The following VEGFC variants were observed in gnomAD, a reference collection of about 807,000 sequenced individuals.
VEGFC encodes the protein vascular endothelial growth factor C, also known as FLT4 ligand DHM.
VEGFC carries 12 observed loss-of-function variants against 46.1 expected under a neutral mutation model. That is an observed-to-expected ratio of 0.26 (90% confidence interval 0.17 to 0.42). The LOEUF (loss-of-function observed/expected upper bound fraction) is 0.42, where lower values mean the gene tolerates loss of function less well. Ranked by LOEUF, VEGFC falls within the 10% of genes least tolerant of loss-of-function variation. VEGFC has a pLI of 1.00. For missense variants in VEGFC, 488 were observed against 529.4 expected (o/e 0.92, Z 0.77); for synonymous variants, 232 against 195.5 (o/e 1.19, Z -1.56).
chr4:176,714,285 G>A (rs1349133461), intron 3 of VEGFC, among the ~76,000 whole-genome samples: 1 of 152,064 alleles, frequency 6.6e-6, no homozygotes, highest in Non-Finnish European at 1.5e-5. Flanking sequence ...TTGTTTAAAG[G>A]AGTCTGAGAC....
intron 1 of VEGFC, among the ~76,000 whole-genome samples, chr4:176,766,381 T>C (rs1165602962): frequency 6.6e-6 from 1 of 150,690 alleles, no homozygotes; most frequent in Non-Finnish European, 1.5e-5. Flanking sequence ...AACCCAGGAG[T>C]TCAAGGCCAG....
At chr4:176,779,132 C>T (rs1735865263) in intron 1 of VEGFC, among the ~76,000 whole-genome samples, 2 of 152,050 alleles carry the variant, frequency 1.3e-5, no homozygotes, top group African/African-American at 4.8e-5. Context: ...CAAAGCTATC[C>T]TAATATAATA....
chr4:176,781,550 G>A (rs1404571891), intron 1 of VEGFC, among the ~76,000 whole-genome samples: 1 of 152,192 alleles, frequency 6.6e-6, no homozygotes, highest in Non-Finnish European at 1.5e-5. Context: ...GAAATTTGGA[G>A]TGAGTGGAAA....
At chr4:176,789,559 T>C (rs1218533339) in intron 1 of VEGFC, among the ~76,000 whole-genome samples, 1 of 152,212 alleles carries the variant, frequency 6.6e-6, no homozygotes, top group African/African-American at 2.4e-5. Flanking sequence ...AAATTGTAAA[T>C]AGAACAGCTT....
At chr4:176,694,598 G>A (rs1734273240) in intron 4 of VEGFC, among the ~76,000 whole-genome samples, 1 of 151,784 alleles carries the variant, frequency 6.6e-6, no homozygotes, top group South Asian at 2.1e-4. Context: ...AGGATACGCA[G>A]GAATTGAACT....
chr4:176,716,583 C>CAA (rs1455730503), intron 3 of VEGFC, among the ~76,000 whole-genome samples: 2 of 79,260 alleles, frequency 2.5e-5, no homozygotes, highest in South Asian at 4.3e-4. Flanking sequence ...ACTCCCTCTC[C>CAA]GAAAAAAAAA....
chr4:176,752,772 A>G (rs1735362382), intron 1 of VEGFC, among the ~76,000 whole-genome samples: 2 of 152,076 alleles, frequency 1.3e-5, no homozygotes, highest in South Asian at 4.1e-4. Flanking sequence ...GAACTTGGCT[A>G]ATAAAATCAG....
In VEGFC at chr4:176,792,461, C is replaced by T. The variant is rs1036907922; in HGVS notation, c.-150G>A. The T allele has an allele frequency of 3.6e-4, 190 of 533,930 alleles. No homozygotes were observed. Among genetic ancestry groups the T allele is most frequent in the Admixed American group, 6.2e-4 (14 of 22,458 alleles). The allele number at this position is 533,930 out of a possible 1,614,324, so 33.1% of individuals were successfully genotyped here. ...CTGGGCGAGCCGGAGGCGGCGGGAG[C>T]GGGTCCGGGGCTCCGCGTTCCCAAC... On this transcript the variant is annotated 5_prime_UTR_variant, in exon 1 of 7. Coordinates refer to ENST00000618562, the MANE Select transcript of VEGFC (RefSeq NM_005429.5). The surrounding 1 kb of genome is among the most constrained non-coding windows in gnomAD (Gnocchi z 6.3).
chr4:176,724,840 C>T (rs1734845445), intron 3 of VEGFC, among the ~76,000 whole-genome samples: 1 of 152,106 alleles, frequency 6.6e-6, no homozygotes, highest in Non-Finnish European at 1.5e-5. Context: ...CCTGCATGTT[C>T]TCATTTATGT....
intron 6 of VEGFC, among the ~76,000 whole-genome samples, chr4:176,684,999 T>G (rs571896158): frequency 1.8e-4 from 28 of 152,180 alleles, no homozygotes; most frequent in Non-Finnish European, 2.5e-4. Flanking sequence ...AGTGCTAGGA[T>G]TACAGGTGTG....
intron 1 of VEGFC, among the ~76,000 whole-genome samples, chr4:176,741,196 G>T (rs1301007521): frequency 6.6e-6 from 1 of 151,872 alleles, no homozygotes; most frequent in South Asian, 2.1e-4. Context: ...GATTATGTTT[G>T]TTACATTTAA....
Position 176,759,003 on chromosome 4 carries a change from A to G in VEGFC, c.148-29257T>C, listed in dbSNP as rs569249705. Among the ~76,000 whole-genome samples the G allele has an allele frequency of 4.3e-4, 66 of 152,304 alleles. 1 individual carries two copies. The highest frequency in any genetic ancestry group is 1.6e-3 in the African/African-American group (65 of 41,584). ...ATTACTCATCTAAAAGTTCATTGTT[A>G]GCAAATTATATTTTAAATGCCCTAA... is the stretch of plus-strand genomic sequence containing the variant. On this transcript the variant is annotated intron_variant, in intron 1 of 6. Coordinates refer to ENST00000618562, the MANE Select transcript of VEGFC (RefSeq NM_005429.5).
At chr4:176,692,808 G>C (rs1734227399) in intron 4 of VEGFC, among the ~76,000 whole-genome samples, 1 of 146,392 alleles carries the variant, frequency 6.8e-6, no homozygotes, top group Non-Finnish European at 1.5e-5. Flanking sequence ...TCCTCAAGTG[G>C]GTCCCTGACC....
intron 3 of VEGFC, among the ~76,000 whole-genome samples, chr4:176,721,554 G>C (rs1734786696): frequency 6.6e-6 from 1 of 152,210 alleles, no homozygotes; most frequent in African/African-American, 2.4e-5. Flanking sequence ...ACCTAGATCA[G>C]AGCGGGATTA....
chr4:176,699,624 T>A (rs1201735396), intron 4 of VEGFC, among the ~76,000 whole-genome samples: 1 of 152,216 alleles, frequency 6.6e-6, no homozygotes, highest in Non-Finnish European at 1.5e-5. Flanking sequence ...CTTTGAACTG[T>A]CATGTTCATC....
chr4:176,727,287 G>A (rs1734887331), intron 3 of VEGFC, among the ~76,000 whole-genome samples: 1 of 152,034 alleles, frequency 6.6e-6, no homozygotes, highest in African/African-American at 2.4e-5. Flanking sequence ...CTTTGCTTTC[G>A]ACAGGAAGAC....
At chr4:176,785,413 C>T (rs1322351235) in intron 1 of VEGFC, among the ~76,000 whole-genome samples, 1 of 152,156 alleles carries the variant, frequency 6.6e-6, no homozygotes, top group Non-Finnish European at 1.5e-5. Context: ...TGAATATTTC[C>T]TCTTTCAGTA....
chr4:176,782,501 TGAG>T (rs1735934338), intron 1 of VEGFC, among the ~76,000 whole-genome samples: 1 of 151,148 alleles, frequency 6.6e-6, no homozygotes, highest in Non-Finnish European at 1.5e-5. Context: ...AAAAAAAAGT[TGAG>T]AGAAAAATAA....
At chr4:176,727,742 G>A (rs1734895814) in intron 3 of VEGFC, 36 bp downstream of exon 3, 1 of 1,574,804 alleles carries the variant, frequency 6.3e-7, no homozygotes, top group Non-Finnish European at 8.6e-7. Flanking sequence ...CTGATTAAGG[G>A]GGCTCTCGCA....
Sources: allele counts gnomAD v4.1 joint callset (sites outside exome capture counted in the v4.1 genomes callset), GRCh38; gene constraint gnomAD v4.1.1; non-coding constraint Gnocchi (gnomAD v3.1); transcripts MANE v1.5; gene names NCBI Gene and HGNC (gene_info 2026-07-23, HGNC 2026-07-21).